Variants in LPCAT2 observed in about 807,000 individuals in gnomAD.
The protein encoded by LPCAT2 is lysophosphatidylcholine acyltransferase 2.
LPCAT2 carries 58 observed loss-of-function variants against 64.7 expected under a neutral mutation model. The ratio of observed to expected loss-of-function variants is 0.90; its 90% CI spans 0.73 to 1.12. LPCAT2 has a LOEUF of 1.12. Among genes scored for constraint, LPCAT2 ranks in the 50% most tolerant of loss-of-function variants. The pLI, the probability that LPCAT2 is intolerant of heterozygous loss-of-function variation, is 0.00. For synonymous variants in LPCAT2, 252 were observed against 245.3 expected, an observed-to-expected ratio of 1.03 and a Z score of -0.26; for missense variants, 579 against 669.8, an observed-to-expected ratio of 0.86 and a Z score of 1.50.
At chr16:55,511,627 A>G (rs1342293509) in intron 1 of LPCAT2, among the ~76,000 whole-genome samples, 1 of 152,250 alleles carries the variant, frequency 6.6e-6, no homozygotes, top group African/African-American at 2.4e-5. Context: ...TGGAGATGAC[A>G]TATTACCAAA....
intron 8 of LPCAT2, among the ~76,000 whole-genome samples, chr16:55,544,674 G>A (rs1365781465): frequency 6.6e-6 from 1 of 152,154 alleles, no homozygotes; most frequent in African/African-American, 2.4e-5. Flanking sequence ...ACCCTTAACA[G>A]AATTAGCTTT....
chr16:55,523,428 C>T (rs550089926), intron 1 of LPCAT2, among the ~76,000 whole-genome samples: 2 of 151,704 alleles, frequency 1.3e-5, no homozygotes, highest in South Asian at 4.2e-4. Flanking sequence ...CCCTATGACC[C>T]AATAATTTTA....
In LPCAT2 at chr16:55,509,194, G is replaced by T. The variant is rs867934351; in HGVS notation, c.13G>T (p.Ala5Ser). MSRC[A>S]QAAEVAATVP... ...GCCCGGCTCAACTATGAGCCGGTGC[G>T]CCCAGGCGGCGGAAGTGGCGGCCAC... is the stretch of plus-strand genomic sequence containing the variant. Residue 5 changes from alanine to serine, a missense_variant, in exon 1 of 14, where the codon GCC becomes TCC. Transcript: ENST00000262134. 2 of 1,402,452 alleles carry T rather than the reference G, an allele frequency of 1.4e-6. No individual in the cohort carries two copies. Among genetic ancestry groups the T allele is most frequent in the East Asian group, 2.8e-5 (1 of 35,422 alleles). The allele number at this position is 1,402,452 out of a possible 1,614,324, so 86.9% of individuals were successfully genotyped here.
At chr16:55,547,194 G>T (rs1963463835) in intron 9 of LPCAT2, among the ~76,000 whole-genome samples, 1 of 151,968 alleles carries the variant, frequency 6.6e-6, no homozygotes, top group South Asian at 2.1e-4. Context: ...AGATATTTTG[G>T]CTTCCCAAAT....
intron 1 of LPCAT2, among the ~76,000 whole-genome samples, chr16:55,524,471 C>T (rs1453600772): frequency 1.3e-5 from 2 of 151,854 alleles, no homozygotes; most frequent in Non-Finnish European, 2.9e-5. Context: ...GTCTTAATTG[C>T]AGTGGTGGTT....
At chr16:55,527,057 T>A (rs546875744) in intron 2 of LPCAT2, among the ~76,000 whole-genome samples, 2 of 152,156 alleles carry the variant, frequency 1.3e-5, no homozygotes, top group Non-Finnish European at 2.9e-5. Context: ...TGAGTAGAAA[T>A]CTCATCTCTA....
At chr16:55,529,804 G>C (rs1427939406) in intron 3 of LPCAT2, 31 bp from the exon 4 acceptor site, 6 of 1,432,884 alleles carry the variant, frequency 4.2e-6, no homozygotes, top group Non-Finnish European at 5.7e-6. Context: ...CCAAAAAATG[G>C]CTTGCCTGTA....
intron 11 of LPCAT2, among the ~76,000 whole-genome samples, chr16:55,574,307 G>A (rs995912458): frequency 1.3e-5 from 2 of 152,176 alleles, no homozygotes; most frequent in Non-Finnish European, 2.9e-5. Flanking sequence ...CTTCCACAAA[G>A]GATGAAACTC....
chr16:55,567,593 G>T, intron 11 of LPCAT2: 2 of 1,318,498 alleles, frequency 1.5e-6, no homozygotes, highest in African/African-American at 1.5e-5. Context: ...CTGTGCAACA[G>T]CTCTCATTTC....
At chr16:55,575,627 A>T (rs1963818900) in intron 12 of LPCAT2, among the ~76,000 whole-genome samples, 2 of 152,134 alleles carry the variant, frequency 1.3e-5, no homozygotes, top group African/African-American at 4.8e-5. Context: ...TTGGAGAAGA[A>T]TGTCTCCCTG....
chr16:55,566,793 C>T (rs1963702638), intron 11 of LPCAT2: 6 of 1,613,414 alleles, frequency 3.7e-6, no homozygotes, highest in African/African-American at 1.3e-5. Flanking sequence ...AGGAGCAGAT[C>T]GAGGTCTTGG....
At chr16:55,543,346 A>G (rs1204140831) in intron 8 of LPCAT2, among the ~76,000 whole-genome samples, 2 of 152,166 alleles carry the variant, frequency 1.3e-5, no homozygotes, top group Admixed American at 1.3e-4. Flanking sequence ...ATTTCATTGT[A>G]TTATGTTTGG....
intron 11 of LPCAT2, among the ~76,000 whole-genome samples, chr16:55,566,118 T>C (rs1180495263): frequency 6.6e-6 from 1 of 152,142 alleles, no homozygotes; most frequent in Non-Finnish European, 1.5e-5. Flanking sequence ...ACATGAATGT[T>C]ACATTTCAAA....
chr16:55,539,998 C>T (rs143302294), intron 8 of LPCAT2: 1 of 152,198 alleles, frequency 6.6e-6, no homozygotes, highest in East Asian at 1.9e-4. Flanking sequence ...AGTCACATGA[C>T]ACCCCATTAT....
chr16:55,560,607 A>T (rs1450050453), intron 11 of LPCAT2, among the ~76,000 whole-genome samples: 2 of 152,112 alleles, frequency 1.3e-5, no homozygotes, highest in African/African-American at 4.8e-5. Context: ...TGTTGCTGTC[A>T]CAAATCTAGA....
At chr16:55,548,889 A>G (rs1963483042) in intron 9 of LPCAT2, among the ~76,000 whole-genome samples, 1 of 152,226 alleles carries the variant, frequency 6.6e-6, no homozygotes, top group South Asian at 2.1e-4. Flanking sequence ...GAATAAGGAT[A>G]GTATTCACTC....
At chr16:55,539,895 T>C (rs1362306639) in intron 8 of LPCAT2, 4 of 152,200 alleles carry the variant, frequency 2.6e-5, no homozygotes, top group African/African-American at 7.2e-5. Flanking sequence ...ATTCAAGATA[T>C]ATTATTCAAG....
rs1205641295 is a variant in LPCAT2, at chr16:55,532,044, A to C, written c.703+70A>C. The C allele has an allele frequency of 3.1e-6, 3 of 962,992 alleles. No homozygotes were observed. The African/African-American group carries it at 4.9e-5, about 16-fold the overall frequency. The allele number at this position is 962,992 out of a possible 1,614,324, so 59.7% of individuals were successfully genotyped here. A position where few individuals can be genotyped will look rare whatever the true frequency, so the allele number is the denominator to read the frequency against. On this transcript the variant is annotated intron_variant, in intron 5 of 13. Coordinates refer to ENST00000262134, the MANE Select transcript of LPCAT2 (RefSeq NM_017839.5). ...ATTTTGCAAATGATTTTATAGAAATACACAAAATAACTCTTTAGCTTGCTC... is the reference window on the plus strand; with the variant it reads ...ATTTTGCAAATGATTTTATAGAAATCCACAAAATAACTCTTTAGCTTGCTC...
intron 1 of LPCAT2, 145 bp from the exon 2 acceptor site, chr16:55,525,363 A>G: frequency 1.8e-6 from 1 of 559,260 alleles, no homozygotes; most frequent in Non-Finnish European, 3.0e-6. Flanking sequence ...TTGTGCTTAA[A>G]TCCTTGTCTG....
Sources: gnomAD v4.1 joint callset for allele counts (sites outside exome capture counted in the v4.1 genomes callset) on GRCh38, gnomAD v4.1.1 for gene constraint, MANE v1.5 for transcripts, NCBI Gene and HGNC (gene_info 2026-07-23, HGNC 2026-07-21) for gene names.